The following SHISA6 variants were observed in gnomAD, a reference collection of about 807,000 sequenced individuals.
The protein encoded by SHISA6 is protein shisa-6.
A neutral mutation model predicts 47.9 loss-of-function variants in SHISA6; 22 were observed. The observed-to-expected ratio is 0.46, with a 90% CI of 0.33 to 0.66. The LOEUF (loss-of-function observed/expected upper bound fraction) is 0.66. SHISA6 is among the 30% of genes least tolerant of loss of function. The pLI is 0.02. For missense variants in SHISA6, 680 were observed against 764.6 expected (o/e 0.89, Z 1.30); for synonymous variants, 388 against 337.8 (o/e 1.15, Z -1.63).
chr17:11,419,090 G>A (rs1914374964), intron 3 of SHISA6, among the ~76,000 whole-genome samples: 2 of 152,096 alleles, frequency 1.3e-5, no homozygotes, highest in African/African-American at 4.8e-5. Flanking sequence ...GGGAGGGATA[G>A]CATTAGGAGA....
At chr17:11,436,672 C>G (rs1215050455) in intron 3 of SHISA6, among the ~76,000 whole-genome samples, 3 of 152,176 alleles carry the variant, frequency 2.0e-5, no homozygotes, top group Non-Finnish European at 4.4e-5. Context: ...ATCTTCAGGG[C>G]TGATCACAGT....
intron 2 of SHISA6, among the ~76,000 whole-genome samples, chr17:11,378,924 G>A (rs1447050558): frequency 1.3e-5 from 2 of 152,120 alleles, no homozygotes; most frequent in African/African-American, 4.8e-5. Flanking sequence ...GAAAGAGACA[G>A]AGGGAAGGTG....
chr17:11,455,176 C>A (rs1440544462), intron 3 of SHISA6, among the ~76,000 whole-genome samples: 9 of 149,620 alleles, frequency 6.0e-5, no homozygotes, highest in Admixed American at 2.7e-4. Context: ...CTCAAAAAAA[C>A]AAAACAAACA....
chr17:11,408,435 T>C (rs1025018967), intron 3 of SHISA6, among the ~76,000 whole-genome samples: 1 of 152,196 alleles, frequency 6.6e-6, no homozygotes, highest in Non-Finnish European at 1.5e-5. Flanking sequence ...CAGGTGATTC[T>C]GATGTGTGCC....
At chr17:11,403,694 T>G (rs945293455) in intron 3 of SHISA6, among the ~76,000 whole-genome samples, 3 of 152,258 alleles carry the variant, frequency 2.0e-5, no homozygotes, top group Admixed American at 2.0e-4. Context: ...TTTATGGAAC[T>G]TGACGGCACT....
chr17:11,521,414 C>G (rs550819649), intron 3 of SHISA6, among the ~76,000 whole-genome samples: 2 of 152,004 alleles, frequency 1.3e-5, no homozygotes, highest in African/African-American at 4.8e-5. Context: ...AAAATACTTG[C>G]AGCTCATCTT....
intron 2 of SHISA6, among the ~76,000 whole-genome samples, chr17:11,350,653 T>A (rs1911857654): frequency 6.6e-6 from 1 of 152,174 alleles, no homozygotes; most frequent in South Asian, 2.1e-4. Flanking sequence ...CTGCTTACTA[T>A]TTTTCTGCCT....
intron 3 of SHISA6, among the ~76,000 whole-genome samples, chr17:11,502,681 C>T (rs913881226): frequency 2.4e-4 from 36 of 152,130 alleles, no homozygotes; most frequent in Non-Finnish European, 4.1e-4. Flanking sequence ...GAGCTGAGAT[C>T]GTGCCATCGC....
At chr17:11,336,647 C>A (rs966301296) in intron 2 of SHISA6, among the ~76,000 whole-genome samples, 7 of 152,298 alleles carry the variant, frequency 4.6e-5, no homozygotes, top group South Asian at 4.1e-4. Context: ...CTTCTCTCCT[C>A]CCCTCTAACA....
chr17:11,467,106 G>A (rs909467992), intron 3 of SHISA6, among the ~76,000 whole-genome samples: 7 of 152,156 alleles, frequency 4.6e-5, no homozygotes, highest in African/African-American at 1.4e-4. Flanking sequence ...TATGGGGAAC[G>A]TTATCAAGAT....
At chr17:11,259,811 A>G (rs1487900051) in intron 1 of SHISA6, among the ~76,000 whole-genome samples, 1 of 152,222 alleles carries the variant, frequency 6.6e-6, no homozygotes. Context: ...AGACTCATTA[A>G]AGCTGATGAT....
At chr17:11,260,628 C>T (rs1478943759) in intron 1 of SHISA6, among the ~76,000 whole-genome samples, 1 of 152,022 alleles carries the variant, frequency 6.6e-6, no homozygotes, top group Non-Finnish European at 1.5e-5. Context: ...GCCTGTCCCT[C>T]AGACTCTGCC....
intron 2 of SHISA6, among the ~76,000 whole-genome samples, chr17:11,356,449 C>T (rs73975310): frequency 0.035 from 5,357 of 152,262 alleles, 289 homozygotes; most frequent in African/African-American, 0.11. Flanking sequence ...CAAAATAGTT[C>T]CCTCTACGCA....
At chr17:11,272,681 A>G (rs1908724720) in intron 2 of SHISA6, among the ~76,000 whole-genome samples, 1 of 152,192 alleles carries the variant, frequency 6.6e-6, no homozygotes, top group African/African-American at 2.4e-5. Context: ...TCCCTGGCTC[A>G]GAGCCTGGCA....
chr17:11,342,791 T>A (rs1258287881), intron 2 of SHISA6, among the ~76,000 whole-genome samples: 1 of 152,206 alleles, frequency 6.6e-6, no homozygotes, highest in Non-Finnish European at 1.5e-5. Flanking sequence ...AAGTTCAACT[T>A]GTCAGAAGTA....
intron 2 of SHISA6, among the ~76,000 whole-genome samples, chr17:11,376,781 G>A (rs989555056): frequency 6.6e-6 from 1 of 152,186 alleles, no homozygotes; most frequent in Non-Finnish European, 1.5e-5. Context: ...TTCATGAAGA[G>A]TTGTCCTTGG....
At chr17:11,525,659 A>AAC (rs2071672099) in intron 3 of SHISA6, among the ~76,000 whole-genome samples, 2 of 148,764 alleles carry the variant, frequency 1.3e-5, no homozygotes, top group African/African-American at 5.1e-5. Flanking sequence ...AAACAAAAAA[A>AAC]AAAAAACGTG....
chr17:11,295,643 G>A (rs751596521), intron 2 of SHISA6, among the ~76,000 whole-genome samples: 6 of 152,092 alleles, frequency 3.9e-5, no homozygotes, highest in Admixed American at 6.6e-5. Flanking sequence ...AGGAGGTGAC[G>A]TTTGAGCTGA....
rs563339465 is a variant in SHISA6, at chr17:11,461,628, A to G, written c.895+82119A>G. ...TTATTGTGGTTTCCACAGGAAGGTA[A>G]GGCAGAGCAGGGTAAGCAGGCTTAG... On this transcript the variant is annotated intron_variant, in intron 3 of 5. Coordinates refer to ENST00000441885, the MANE Select transcript of SHISA6 (RefSeq NM_207386.4). 4.6e-5 allele frequency among the ~76,000 whole-genome samples: 7 copies of G among 152,310 alleles called. No individual in the cohort carries two copies. In the South Asian group the frequency reaches 1.2e-3, roughly 27 times the overall value.
Sources: gnomAD v4.1 joint callset for allele counts (sites outside exome capture counted in the v4.1 genomes callset) on GRCh38, gnomAD v4.1.1 for gene constraint, MANE v1.5 for transcripts, NCBI Gene and HGNC (gene_info 2026-07-23, HGNC 2026-07-21) for gene names.